Variants in LINGO2 observed in about 807,000 individuals in gnomAD.
LINGO2 encodes leucine rich repeat and Ig domain containing 2.
Under a neutral mutation model 30.6 loss-of-function variants are expected in LINGO2, and 14 were observed. The observed-to-expected ratio is 0.46, with a 90% CI of 0.30 to 0.72. The LOEUF (loss-of-function observed/expected upper bound fraction) is 0.72. Among genes scored for constraint, LINGO2 ranks in the 30% least tolerant of loss-of-function variants. LINGO2 has a pLI of 0.07. For synonymous variants in LINGO2, 317 were observed against 288.5 expected, an observed-to-expected ratio of 1.10 and a Z score of -1.00; for missense variants, 729 against 751.7, an observed-to-expected ratio of 0.97 and a Z score of 0.35.
At chr9:28,000,732 G>A (rs1821906648) in intron 5 of LINGO2, among the ~76,000 whole-genome samples, 1 of 152,134 alleles carries the variant, frequency 6.6e-6, no homozygotes, top group South Asian at 2.1e-4. Context: ...CCCGAAAGTT[G>A]ACAATAGTTT....
the LINGO2 span, among the ~76,000 whole-genome samples, chr9:28,946,557 G>T: frequency 6.6e-6 from 1 of 152,084 alleles, no homozygotes; most frequent in African/African-American, 2.4e-5. Context: ...ATGTTGGAGA[G>T]TCTAGCCTAA....
At chr9:28,029,372 A>T (rs1364376937) in intron 4 of LINGO2, among the ~76,000 whole-genome samples, 2 of 152,176 alleles carry the variant, frequency 1.3e-5, no homozygotes, top group African/African-American at 4.8e-5. Context: ...ATTGACAAAC[A>T]CTAAAGTGTA....
At chr9:28,512,593 G>GTA (rs770866133) in intron 1 of LINGO2, among the ~76,000 whole-genome samples, 1 of 10,590 alleles carries the variant, frequency 9.4e-5, no homozygotes. Context: ...ATATATGTGT[G>GTA]TATATATATA....
At chr9:28,156,153 T>C (rs1221215177) in intron 4 of LINGO2, among the ~76,000 whole-genome samples, 2 of 152,230 alleles carry the variant, frequency 1.3e-5, no homozygotes, top group African/African-American at 4.8e-5. Context: ...TTTCTGGATC[T>C]AAATGATTTT....
the LINGO2 span, among the ~76,000 whole-genome samples, chr9:28,981,700 T>G: frequency 6.6e-6 from 1 of 152,118 alleles, no homozygotes; most frequent in Non-Finnish European, 1.5e-5. Flanking sequence ...CTACCACATA[T>G]CCACTGTTTC....
At chr9:28,830,929 C>T in the LINGO2 span, among the ~76,000 whole-genome samples, 11 of 152,278 alleles carry the variant, frequency 7.2e-5, no homozygotes, top group Non-Finnish European at 1.2e-4. Context: ...CTCACACTAA[C>T]GTAATACAGA....
At chr9:29,022,736 A>T in the LINGO2 span, among the ~76,000 whole-genome samples, 1 of 152,270 alleles carries the variant, frequency 6.6e-6, no homozygotes, top group South Asian at 2.1e-4. Flanking sequence ...AGAACTAGAC[A>T]TGTTCTCCTA....
the LINGO2 span, among the ~76,000 whole-genome samples, chr9:29,120,050 T>C: frequency 6.6e-6 from 1 of 152,170 alleles, no homozygotes; most frequent in Non-Finnish European, 1.5e-5. Flanking sequence ...TGGAGTATTC[T>C]ACTTTGCCTT....
chr9:28,239,227 A>G (rs1821689727), intron 4 of LINGO2, among the ~76,000 whole-genome samples: 1 of 152,050 alleles, frequency 6.6e-6, no homozygotes, highest in Admixed American at 6.6e-5. Context: ...AAGCAATACC[A>G]ATACCACTCA....
chr9:28,541,887 T>A (rs1034005260), intron 1 of LINGO2, among the ~76,000 whole-genome samples: 1 of 152,086 alleles, frequency 6.6e-6, no homozygotes, highest in East Asian at 1.9e-4. Context: ...TGGAAACATA[T>A]CTTAGTAACT....
the LINGO2 span, among the ~76,000 whole-genome samples, chr9:28,726,247 T>C: frequency 7.2e-5 from 11 of 152,174 alleles, no homozygotes; most frequent in Non-Finnish European, 8.8e-5. Context: ...TATTTCTTTA[T>C]GAACATGAGT....
intron 4 of LINGO2, among the ~76,000 whole-genome samples, chr9:28,107,605 C>T (rs1826634591): frequency 6.6e-6 from 1 of 152,086 alleles, no homozygotes; most frequent in African/African-American, 2.4e-5. Flanking sequence ...TGTACATTTA[C>T]CTCTATTAGT....
At chr9:28,054,446 A>G (rs985315322) in intron 4 of LINGO2, among the ~76,000 whole-genome samples, 1 of 152,156 alleles carries the variant, frequency 6.6e-6, no homozygotes, top group African/African-American at 2.4e-5. Flanking sequence ...TTACTGCTAT[A>G]CTGACATATA....
At chr9:28,984,964 AC>A in the LINGO2 span, among the ~76,000 whole-genome samples, 1 of 152,054 alleles carries the variant, frequency 6.6e-6, no homozygotes, top group African/African-American at 2.4e-5. Flanking sequence ...TCAAAAAGAA[AC>A]CCACCTTAGA....
Position 28,182,158 on chromosome 9 carries a change from C to T in LINGO2, c.-87+113050G>A, listed in dbSNP as rs146408321. Among the ~76,000 whole-genome samples the T allele has an allele frequency of 2.2e-4, 34 of 152,112 alleles. No individual in the cohort carries two copies. The East Asian group carries it at 3.9e-3, about 17-fold the overall frequency. On this transcript the variant is annotated intron_variant, in intron 4 of 5. Transcript: ENST00000379992. ...AGAATAGAGACCTCAGAAACAACAC[C>T]GCACCTCTACAACCATCTGATCTTC...
At chr9:28,522,946 CAG>C (rs1297499589) in intron 1 of LINGO2, among the ~76,000 whole-genome samples, 1 of 150,162 alleles carries the variant, frequency 6.7e-6, no homozygotes. Flanking sequence ...CAGGGAGAAA[CAG>C]AGTAAGGAAT....
chr9:29,017,755 A>T, the LINGO2 span, among the ~76,000 whole-genome samples: 1 of 152,138 alleles, frequency 6.6e-6, no homozygotes, highest in African/African-American at 2.4e-5. Flanking sequence ...CCCACAGGAG[A>T]TCCACATTTC....
At chr9:28,185,903 G>T (rs1436840473) in intron 4 of LINGO2, among the ~76,000 whole-genome samples, 2 of 152,104 alleles carry the variant, frequency 1.3e-5, no homozygotes, top group African/African-American at 4.8e-5. Context: ...ACTTTGAAAT[G>T]TAAAGGGGAT....
At chr9:27,966,109 T>C (rs1275923768) in intron 5 of LINGO2, among the ~76,000 whole-genome samples, 1 of 152,118 alleles carries the variant, frequency 6.6e-6, no homozygotes, top group Non-Finnish European at 1.5e-5. Context: ...GAAATGTTGC[T>C]CATTGTATGA....
Sources: allele counts gnomAD v4.1 joint callset (sites outside exome capture counted in the v4.1 genomes callset), GRCh38; gene constraint gnomAD v4.1.1; transcripts MANE v1.5; gene names NCBI Gene and HGNC (gene_info 2026-07-23, HGNC 2026-07-21).